The following CYP20A1 variants were observed in gnomAD, a reference collection of about 807,000 sequenced individuals.
The protein encoded by CYP20A1 is cytochrome P450 20A1.
In CYP20A1, 61 loss-of-function variants were observed where a neutral mutation model predicts 61.4. That is an observed-to-expected ratio of 0.99 (90% confidence interval 0.81 to 1.23). The LOEUF (loss-of-function observed/expected upper bound fraction) is 1.23, where lower values mean the gene tolerates loss of function less well. Ranked by LOEUF, CYP20A1 falls within the 50% of genes most tolerant of loss-of-function variation. The pLI, the probability that CYP20A1 is intolerant of heterozygous loss-of-function variation, is 0.00. For synonymous variants in CYP20A1, 193 were observed against 188.2 expected, an observed-to-expected ratio of 1.03 and a Z score of -0.21; for missense variants, 530 against 542.4, an observed-to-expected ratio of 0.98 and a Z score of 0.23.
chr2:203,257,741 A>C (rs931697820), intron 4 of CYP20A1, among the ~76,000 whole-genome samples: 5 of 151,944 alleles, frequency 3.3e-5, no homozygotes, highest in Non-Finnish European at 5.9e-5. Context: ...GCAAGCTGAG[A>C]TCGCTCCACT....
chr2:203,301,423 T>C lies in CYP20A1; in HGVS notation c.*4515T>C, dbSNP rs1301753119. 6.6e-6 allele frequency among the ~76,000 whole-genome samples: 1 copy of C among 152,004 alleles called. No homozygotes were observed. Among genetic ancestry groups the C allele is most frequent in the Admixed American group, 6.6e-5 (1 of 15,234 alleles). On this transcript the variant is annotated 3_prime_UTR_variant, in exon 13 of 13. Transcript: ENST00000356079. ...TGCATGCCACCATGCCCAGCTGTTT[T>C]TTTGTTTGCTTGTTTTTGGTTTTGT... is the stretch of plus-strand genomic sequence containing the variant.
intron 5 of CYP20A1, among the ~76,000 whole-genome samples, chr2:203,268,666 T>C (rs144819575): frequency 1.3e-5 from 2 of 152,096 alleles, no homozygotes; most frequent in African/African-American, 4.8e-5. Flanking sequence ...TTTCAAAGAA[T>C]TTTTTTTATT....
chr2:203,245,326 G>A (rs1405356163), intron 1 of CYP20A1, among the ~76,000 whole-genome samples: 1 of 147,156 alleles, frequency 6.8e-6, no homozygotes, highest in African/African-American at 2.5e-5. Flanking sequence ...GCGCTCGGCT[G>A]AAATCATTCT....
chr2:203,286,310 A>G (rs1456253174), intron 9 of CYP20A1, among the ~76,000 whole-genome samples: 1 of 152,148 alleles, frequency 6.6e-6, no homozygotes, highest in Non-Finnish European at 1.5e-5. Flanking sequence ...AGAAAACAAT[A>G]TGATAGGCTC....
In CYP20A1 at chr2:203,303,627, G is replaced by A. The variant is rs954311798; in HGVS notation, c.*6719G>A. 4.0e-5 allele frequency among the ~76,000 whole-genome samples: 6 copies of A among 151,896 alleles called. No homozygotes were observed. The highest frequency in any genetic ancestry group is 8.8e-5 in the Non-Finnish European group (6 of 67,990). The stretch of plus-strand genomic sequence containing the variant: ...GGAGAATCGCTTGAACCCAAGAGTC[G>A]GAGGTTGCAGTGAGCCGAGATCGCG... On this transcript the variant is annotated 3_prime_UTR_variant, in exon 13 of 13. Coordinates refer to ENST00000356079, the MANE Select transcript of CYP20A1 (RefSeq NM_177538.3).
intron 9 of CYP20A1, among the ~76,000 whole-genome samples, chr2:203,287,050 TA>T (rs935653131): frequency 1.5e-4 from 22 of 144,658 alleles, no homozygotes; most frequent in African/African-American, 1.8e-4. Flanking sequence ...ACCCTATCTC[TA>T]AAAAAAAAAT....
rs1183550949 is a variant in CYP20A1 at position 203,298,893 on chromosome 2, G to A, written c.*1985G>A. ...TACTAAAAATACAAAAAATTATCTG[G>A]ACATGCTGGCGTGCGCCTGTAGTCT... is the stretch of plus-strand genomic sequence containing the variant. On this transcript the variant is annotated 3_prime_UTR_variant, in exon 13 of 13. Coordinates refer to ENST00000356079, the MANE Select transcript of CYP20A1 (RefSeq NM_177538.3). Among the ~76,000 whole-genome samples the A allele has an allele frequency of 6.6e-6, 1 of 151,672 alleles. No individual in the cohort carries two copies. The highest frequency in any genetic ancestry group is 1.5e-5 in the Non-Finnish European group (1 of 67,956).
At chr2:203,244,894 T>A (rs905938941) in intron 1 of CYP20A1, among the ~76,000 whole-genome samples, 2 of 149,934 alleles carry the variant, frequency 1.3e-5, no homozygotes, top group African/African-American at 4.9e-5. Context: ...CACAACGCCC[T>A]GCTAATTTTT....
chr2:203,260,262 G>A (rs571558703), intron 4 of CYP20A1, among the ~76,000 whole-genome samples: 35 of 150,254 alleles, frequency 2.3e-4, no homozygotes, highest in Middle Eastern at 3.6e-3. Context: ...TCACTCTGTC[G>A]TCCAGGCCGG....
chr2:203,299,823 A>G lies in CYP20A1; in HGVS notation c.*2915A>G, dbSNP rs1393314982. On this transcript the variant is annotated 3_prime_UTR_variant, in exon 13 of 13. Coordinates refer to ENST00000356079, the MANE Select transcript of CYP20A1 (RefSeq NM_177538.3). ...TGGGAGGCAGAGGTTGCGGTGAGCC[A>G]AGATCGCGCCATTGCACTCCAGCCT... 2.6e-5 allele frequency among the ~76,000 whole-genome samples: 4 copies of G among 152,036 alleles called. No homozygotes were observed. The highest frequency in any genetic ancestry group is 4.4e-5 in the Non-Finnish European group (3 of 68,030).
At chr2:203,249,017 T>A (rs1304270104) in intron 3 of CYP20A1, among the ~76,000 whole-genome samples, 2 of 152,202 alleles carry the variant, frequency 1.3e-5, no homozygotes, top group African/African-American at 4.8e-5. Context: ...GGCCTCTGCC[T>A]TATTTCTTAT....
intron 2 of CYP20A1, 64 bp downstream of exon 2, chr2:203,245,959 C>T (rs1011024313): frequency 7.1e-6 from 8 of 1,128,836 alleles, no homozygotes; most frequent in Non-Finnish European, 7.8e-6. Flanking sequence ...CAAGACTAAA[C>T]CATATTTTTA....
intron 8 of CYP20A1, among the ~76,000 whole-genome samples, chr2:203,282,604 A>G (rs561237988): frequency 6.6e-6 from 1 of 152,256 alleles, no homozygotes; most frequent in Admixed American, 6.5e-5. Context: ...GACTATTTCC[A>G]AGGTTGAATT....
At chr2:203,267,084 C>T (rs1254434153) in intron 5 of CYP20A1, among the ~76,000 whole-genome samples, 1 of 151,672 alleles carries the variant, frequency 6.6e-6, no homozygotes, top group African/African-American at 2.4e-5. Context: ...ATTACTTGAA[C>T]CCAGGAGTTC....
chr2:203,254,718 G>T (rs1186820305), intron 4 of CYP20A1, among the ~76,000 whole-genome samples: 1 of 152,148 alleles, frequency 6.6e-6, no homozygotes. Flanking sequence ...TCTGGGTGTA[G>T]TGGCTCACAC....
At chr2:203,269,533 C>T (rs1299694411) in intron 5 of CYP20A1, among the ~76,000 whole-genome samples, 7 of 143,860 alleles carry the variant, frequency 4.9e-5, no homozygotes, top group African/African-American at 1.8e-4. Flanking sequence ...TCGCTCTTAT[C>T]GCACAGGCTA....
intron 4 of CYP20A1, among the ~76,000 whole-genome samples, chr2:203,265,775 C>G (rs370223770): frequency 2.0e-5 from 3 of 152,114 alleles, no homozygotes; most frequent in African/African-American, 4.8e-5. Flanking sequence ...ATTGCAGCCC[C>G]GGTCTCCCAG....
chr2:203,251,779 C>CTATATATATATGTGTATATATATATA (rs1362973829), intron 3 of CYP20A1, among the ~76,000 whole-genome samples, 188 bp from the exon 4 acceptor site: 4 of 35,058 alleles, frequency 1.1e-4, no homozygotes, highest in African/African-American at 3.4e-4. Context: ...CAAAAGAAAA[C>CTATATATATATGTGTATATATATATA]TATATATATA....
At chr2:203,272,851 CTT>C (rs372576462) in intron 6 of CYP20A1, 103 bp downstream of exon 6, 8,338 of 417,888 alleles carry the variant, frequency 0.02, no homozygotes, top group South Asian at 0.035. Flanking sequence ...TTTATATTTT[CTT>C]TTTTTTTTTT....
Sources: allele counts gnomAD v4.1 joint callset (sites outside exome capture counted in the v4.1 genomes callset), GRCh38; gene constraint gnomAD v4.1.1; transcripts MANE v1.5; gene names NCBI Gene and HGNC (gene_info 2026-07-23, HGNC 2026-07-21).